CTBP1: variants seen among roughly 807,000 people sequenced by gnomAD.
CTBP1 encodes the protein C-terminal binding protein 1.
A neutral mutation model predicts 42.1 loss-of-function variants in CTBP1; 11 were observed. The ratio of observed to expected loss-of-function variants is 0.26; its 90% CI spans 0.16 to 0.43. The LOEUF is 0.43. Ranked by LOEUF, CTBP1 falls within the 20% of genes least tolerant of loss-of-function variation. CTBP1 has a pLI of 1.00. For synonymous variants in CTBP1, 324 were observed against 277.1 expected, an observed-to-expected ratio of 1.17 and a Z score of -1.68; for missense variants, 399 against 624.3, an observed-to-expected ratio of 0.64 and a Z score of 3.85.
chr4:1,220,777 G>C (rs1729650101), intron 5 of CTBP1, among the ~76,000 whole-genome samples: 1 of 152,258 alleles, frequency 6.6e-6, no homozygotes, highest in South Asian at 2.1e-4. Context: ...GCAGCGACCT[G>C]CCATCCCGGG....
At chr4:1,213,736 C>T (rs1043615918) in intron 7 of CTBP1, 131 bp from the exon 8 acceptor site, 10 of 1,231,148 alleles carry the variant, frequency 8.1e-6, no homozygotes, top group Non-Finnish European at 1.1e-5. Flanking sequence ...CCCTGCTCTG[C>T]TCGGCAGGCT....
intron 3 of CTBP1, chr4:1,237,057 G>A (rs1167301704): frequency 1.8e-5 from 11 of 609,494 alleles, no homozygotes; most frequent in Non-Finnish European, 2.7e-5. Context: ...AGGACAAACC[G>A]AGTGTGGGGC....
At chr4:1,231,512 A>AC (rs1418144552) in intron 3 of CTBP1, among the ~76,000 whole-genome samples, 1 of 152,174 alleles carries the variant, frequency 6.6e-6, no homozygotes, top group Non-Finnish European at 1.5e-5. Flanking sequence ...GGCTGGAAAC[A>AC]GACCCCAGGA....
In CTBP1 at chr4:1,214,377, C is replaced by T. The variant is rs1031166870; in HGVS notation, c.826G>A (p.Ala276Thr). 8 of 1,565,696 alleles carry T rather than the reference C, an allele frequency of 5.1e-6. No homozygotes were observed. The highest frequency in any genetic ancestry group is 2.0e-5 in the Admixed American group (1 of 49,928). Residue 276 changes from alanine to threonine, a missense_variant, in exon 7 of 10, where the codon GCG (alanine) becomes ACG (threonine). Around this residue, in one of 4 missense-constraint regions of CTBP1, gnomAD observed 309 missense variants for 497.5 expected, o/e 0.62. Transcript: ENST00000382952. ...QALKEGRIRG[A>T]ALDVHESEPF... Reference sequence around the variant, plus strand: ...TCCGACTCGTGCACATCCAGGGCCGCGCCGCGGATCCGGCCCTCCTTCAGG... The same window carrying T: ...TCCGACTCGTGCACATCCAGGGCCGTGCCGCGGATCCGGCCCTCCTTCAGG...
At chr4:1,248,652 T>C (rs1363182792) in intron 1 of CTBP1, 1 of 982,170 alleles carries the variant, frequency 1.0e-6, no homozygotes, top group Non-Finnish European at 1.2e-6. Flanking sequence ...ACAGGCCCTT[T>C]TGTGTCACCT....
At position 1,245,666 on chromosome 4, in the gene CTBP1, AGGGCAGGGTGGCACGGGT is replaced by A. The variant is rs976796958; in HGVS notation, c.-189+3232_-189+3249del. 2.5e-4 allele frequency: 243 copies of A among 983,330 alleles called. No homozygotes were observed. In the South Asian group the frequency reaches 2.9e-3, roughly 12 times the overall value. The allele number at this position is 983,330 out of a possible 1,614,324, so 60.9% of individuals were successfully genotyped here. A position where few individuals can be genotyped will look rare whatever the true frequency, so the allele number is the denominator to read the frequency against. ...GGACGGGCAGGGTGACACGGGCGGCAGGGCAGGGTGGCACGGGTGGGCAGGGTGGCACGGGCGGGCAGG... is the reference window on the plus strand; with the variant it reads ...GGACGGGCAGGGTGACACGGGCGGCAGGGCAGGGTGGCACGGGCGGGCAGG... On this transcript the variant is annotated intron_variant, in intron 1 of 9. Transcript: ENST00000382952.
intron 1 of CTBP1, chr4:1,243,264 A>G (rs1250099): frequency 0.84 from 823,166 of 985,312 alleles, 346,965 homozygotes; most frequent in East Asian, 0.97. Flanking sequence ...TCTCTGAGGA[A>G]GAAGCAGATG....
intron 1 of CTBP1, 137 bp downstream of exon 1, chr4:1,248,779 G>GCGCGCA (rs1465053155): frequency 4.2e-6 from 4 of 957,968 alleles, no homozygotes; most frequent in Non-Finnish European, 4.9e-6. Context: ...GCGGACGCCG[G>GCGCGCA]CGCGCACGCG....
intron 1 of CTBP1, chr4:1,241,993 C>T (rs545480229): frequency 7.0e-6 from 7 of 1,002,670 alleles, no homozygotes; most frequent in South Asian, 4.3e-5. Flanking sequence ...CAGGAGCCAC[C>T]GGGAGAGGTG....
At chr4:1,220,417 G>A (rs1410905344) in intron 5 of CTBP1, among the ~76,000 whole-genome samples, 1 of 152,270 alleles carries the variant, frequency 6.6e-6, no homozygotes, top group Admixed American at 6.5e-5. Flanking sequence ...GTTAAGAAAA[G>A]TTAAAATAAA....
At chr4:1,228,412 G>A in intron 3 of CTBP1, 69 bp from the exon 4 acceptor site, 1 of 1,541,936 alleles carries the variant, frequency 6.5e-7, no homozygotes, top group Non-Finnish European at 8.8e-7. Context: ...TCGGGGGTGG[G>A]GCTGCCCCGG....
chr4:1,242,955 G>C (rs1222372945), intron 1 of CTBP1: 9 of 984,836 alleles, frequency 9.1e-6, no homozygotes, highest in Non-Finnish European at 9.6e-6. Flanking sequence ...ATCAATGCCA[G>C]CCGATACTCA....
chr4:1,248,327 C>T (rs1026740207), intron 1 of CTBP1, among the ~76,000 whole-genome samples: 2 of 151,746 alleles, frequency 1.3e-5, no homozygotes, highest in African/African-American at 4.8e-5. Flanking sequence ...GCTTTGGGCC[C>T]GGTCTGAGGG....
intron 7 of CTBP1, chr4:1,214,118 G>A (rs1029655509): frequency 1.8e-6 from 1 of 556,610 alleles, no homozygotes; most frequent in Non-Finnish European, 3.0e-6. Context: ...GCCCAAAGAA[G>A]GGCTGAGGAG....
rs1730617476 is a variant in CTBP1, at chr4:1,228,463, C to T, written c.163-120G>A. On this transcript the variant is annotated intron_variant, in intron 3 of 9. Transcript: ENST00000382952. ...GTGGCCCTCAGGCTTGTTCCCCAAG[C>T]ACCAGCCCGGACACTGGGAGAGGCT... is the stretch of plus-strand genomic sequence containing the variant. The T allele has an allele frequency of 7.8e-6, 10 of 1,285,024 alleles. No individual in the cohort carries two copies. The South Asian group carries it at 1.3e-4, about 16-fold the overall frequency. The allele number at this position is 1,285,024 out of a possible 1,614,324, so 79.6% of individuals were successfully genotyped here.
At chr4:1,249,700 C>T, upstream of CTBP1, 1 of 413,188 alleles carries the variant, frequency 2.4e-6, no homozygotes, top group Non-Finnish European at 4.9e-6. Flanking sequence ...CGCGCCTGCC[C>T]CAGTGCGTCC....
intron 3 of CTBP1, among the ~76,000 whole-genome samples, chr4:1,234,204 G>C (rs1731252927): frequency 1.3e-5 from 2 of 152,244 alleles, no homozygotes; most frequent in African/African-American, 2.4e-5. Context: ...TCCACACACA[G>C]CCCCGGGAGG....
At chr4:1,228,449 G>T in intron 3 of CTBP1, 106 bp from the exon 4 acceptor site, 1 of 1,399,924 alleles carries the variant, frequency 7.1e-7, no homozygotes, top group Non-Finnish European at 9.7e-7. Flanking sequence ...TGGCCCTCAG[G>T]CTTGTTCCCC....
At chr4:1,223,779 C>T (rs996036150) in intron 5 of CTBP1, among the ~76,000 whole-genome samples, 3 of 152,190 alleles carry the variant, frequency 2.0e-5, no homozygotes, top group East Asian at 3.9e-4. Flanking sequence ...TCTACTTTCC[C>T]TTAAGACATG....
Sources: allele counts gnomAD v4.1 joint callset (sites outside exome capture counted in the v4.1 genomes callset), GRCh38; gene constraint gnomAD v4.1.1; regional missense constraint gnomAD v4.1.1; transcripts MANE v1.5; gene names NCBI Gene and HGNC (gene_info 2026-07-23, HGNC 2026-07-21).